The following RARB variants were observed in gnomAD, a reference collection of about 807,000 sequenced individuals.
RARB encodes the protein HBV-activated protein.
A neutral mutation model predicts 51.9 loss-of-function variants in RARB; 17 were observed. That is an observed-to-expected ratio of 0.33 (90% CI 0.22 to 0.49). The LOEUF is 0.49. Ranked by LOEUF, RARB falls within the 20% of genes least tolerant of loss-of-function variation. The probability of loss-of-function intolerance (pLI) is 0.99; values close to 1 mark genes in which losing one functional copy is unlikely to be tolerated. For missense variants in RARB, 369 were observed against 550.8 expected, an observed-to-expected ratio of 0.67 and a Z score of 3.30; for synonymous variants, 215 against 195.4, an observed-to-expected ratio of 1.10 and a Z score of -0.84.
chr3:25,126,418 T>C (rs1699859843), intron 3 of RARB, among the ~76,000 whole-genome samples: 1 of 152,018 alleles, frequency 6.6e-6, no homozygotes, highest in South Asian at 2.1e-4. Context: ...TTTGTTATTG[T>C]TATTTTTCCA....
intron 3 of RARB, among the ~76,000 whole-genome samples, chr3:25,565,792 T>C (rs1200084325): frequency 2.0e-5 from 3 of 152,066 alleles, no homozygotes; most frequent in African/African-American, 7.2e-5. Context: ...CTAACCCACA[T>C]AGGCCTTTAC....
At chr3:25,077,202 C>A (rs1698887828) in intron 3 of RARB, among the ~76,000 whole-genome samples, 1 of 152,146 alleles carries the variant, frequency 6.6e-6, no homozygotes, top group Non-Finnish European at 1.5e-5. Context: ...TGCATTGGAG[C>A]ATTATTTTTT....
chr3:24,987,657 G>A (rs563632515), intron 2 of RARB, among the ~76,000 whole-genome samples: 1 of 152,308 alleles, frequency 6.6e-6, no homozygotes, highest in South Asian at 2.1e-4. Context: ...TATATGGGAA[G>A]ATTATTTAGG....
chr3:24,932,401 T>C (rs1695459624), intron 2 of RARB, among the ~76,000 whole-genome samples: 1 of 152,092 alleles, frequency 6.6e-6, no homozygotes, highest in Non-Finnish European at 1.5e-5. Context: ...ACAGCTCTCG[T>C]TTGTGTAGGG....
At chr3:25,151,674 T>C (rs1393954344) in intron 4 of RARB, among the ~76,000 whole-genome samples, 2 of 152,254 alleles carry the variant, frequency 1.3e-5, no homozygotes, top group African/African-American at 4.8e-5. Flanking sequence ...GTCTGTTTCC[T>C]GTTTCCGTCT....
At chr3:25,152,220 A>G (rs1015201345) in intron 4 of RARB, among the ~76,000 whole-genome samples, 2 of 152,176 alleles carry the variant, frequency 1.3e-5, no homozygotes, top group Non-Finnish European at 1.5e-5. Context: ...GGATGTCGGT[A>G]GAGTTGTTTT....
chr3:25,319,529 C>T (rs1401906246), intron 5 of RARB, among the ~76,000 whole-genome samples: 1 of 152,200 alleles, frequency 6.6e-6, no homozygotes, highest in East Asian at 1.9e-4. Flanking sequence ...CAGACAATCT[C>T]ATCTGACCAA....
chr3:25,119,627 A>G (rs1303663660), intron 3 of RARB, among the ~76,000 whole-genome samples: 1 of 151,488 alleles, frequency 6.6e-6, no homozygotes, highest in Non-Finnish European at 1.5e-5. Context: ...GCAGCCTAAC[A>G]CCACAAGTGA....
At chr3:25,065,680 G>A (rs967772911) in intron 3 of RARB, among the ~76,000 whole-genome samples, 1 of 152,228 alleles carries the variant, frequency 6.6e-6, no homozygotes, top group Non-Finnish European at 1.5e-5. Context: ...AAATAAATGT[G>A]TAGTTGAATG....
intron 5 of RARB, among the ~76,000 whole-genome samples, chr3:25,195,807 T>C (rs566688292): frequency 6.6e-5 from 10 of 152,130 alleles, no homozygotes; most frequent in South Asian, 2.1e-4. Context: ...AAGCCATGTC[T>C]TGAGTGATAA....
intron 5 of RARB, among the ~76,000 whole-genome samples, chr3:25,296,225 C>G (rs1485765572): frequency 6.6e-6 from 1 of 152,092 alleles, no homozygotes; most frequent in East Asian, 1.9e-4. Flanking sequence ...AGGAAAGATC[C>G]TCTCAAACCC....
At chr3:25,226,802 G>C (rs1414604107) in intron 5 of RARB, among the ~76,000 whole-genome samples, 4 of 152,136 alleles carry the variant, frequency 2.6e-5, no homozygotes, top group Non-Finnish European at 5.9e-5. Flanking sequence ...ATCAAGATAT[G>C]ACAGGCTCAA....
intron 2 of RARB, among the ~76,000 whole-genome samples, chr3:25,054,741 T>C (rs779289231): frequency 4.6e-5 from 7 of 152,120 alleles, no homozygotes; most frequent in Non-Finnish European, 7.4e-5. Context: ...TCTACCTAGC[T>C]GTTTTGCCAA....
rs142687082 is a variant in RARB, at chr3:25,159,004, T to C, written c.-279-15115T>C. ...TTCTACAGGCCAGAGCTCGGTCTTA[T>C]GCCCCCAGCTAGATGCAGAAGAAGT... On this transcript the variant is annotated intron_variant, in intron 4 of 11. Transcript: ENST00000383772. 2.5e-3 allele frequency among the ~76,000 whole-genome samples: 383 copies of C among 152,122 alleles called. 1 individual carries two copies. Among genetic ancestry groups the C allele is most frequent in the African/African-American group, 8.4e-3 (350 of 41,478 alleles).
chr3:25,258,997 C>T lies in RARB; in HGVS notation c.178+84422C>T, dbSNP rs1016580388. The T allele has an allele frequency of 1.1e-5, 11 of 982,656 alleles. No homozygotes were observed. The South Asian group carries it at 1.4e-4, about 13-fold the overall frequency. 60.9% of individuals were successfully genotyped at this position (982,656 alleles called of 1,614,324 possible). ...CAGCCTGAGTTTTGCTGGGGACAAA[C>T]CATAGTATATGGTGTCTGAGACTGC... is the stretch of plus-strand genomic sequence containing the variant. On this transcript the variant is annotated intron_variant, in intron 5 of 11. Transcript: ENST00000383772.
intron 1 of RARB, among the ~76,000 whole-genome samples, chr3:24,849,591 T>C (rs912081801): frequency 5.3e-5 from 8 of 152,252 alleles, no homozygotes; most frequent in African/African-American, 1.9e-4. Context: ...TTGATTAACA[T>C]TGAGCTCACA....
intron 2 of RARB, among the ~76,000 whole-genome samples, chr3:25,033,577 C>T (rs986274466): frequency 2.6e-5 from 4 of 152,078 alleles, no homozygotes; most frequent in Admixed American, 2.6e-4. Flanking sequence ...GGAGACATGC[C>T]GATTATGTTG....
At chr3:25,512,899 G>C (rs1018884379) in intron 3 of RARB, among the ~76,000 whole-genome samples, 3 of 152,128 alleles carry the variant, frequency 2.0e-5, no homozygotes, top group African/African-American at 7.2e-5. Context: ...CTGGCTGGGG[G>C]TGCTTCAAGA....
intron 2 of RARB, among the ~76,000 whole-genome samples, chr3:24,929,801 T>A (rs34125616): frequency 0.014 from 2,182 of 152,242 alleles, 24 homozygotes; most frequent in Middle Eastern, 0.038. Context: ...TGGGCAATGC[T>A]GCTACATAGG....
Sources: gnomAD v4.1 joint callset for allele counts (sites outside exome capture counted in the v4.1 genomes callset) on GRCh38, gnomAD v4.1.1 for gene constraint, MANE v1.5 for transcripts, NCBI Gene and HGNC (gene_info 2026-07-23, HGNC 2026-07-21) for gene names.